Variants in JAKMIP1 observed in about 807,000 individuals in gnomAD.
The protein encoded by JAKMIP1 is janus kinase and microtubule interacting protein 1, also known as janus kinase and microtubule-interacting protein 1.
In JAKMIP1, 33 loss-of-function variants were observed where a neutral mutation model predicts 113.0. The ratio of observed to expected loss-of-function variants is 0.29; its 90% confidence interval spans 0.22 to 0.39. The LOEUF (loss-of-function observed/expected upper bound fraction) is 0.39. Among genes scored for constraint, JAKMIP1 ranks in the 10% least tolerant of loss-of-function variants. The pLI, the probability that JAKMIP1 is intolerant of heterozygous loss-of-function variation, is 1.00. For synonymous variants in JAKMIP1, 480 were observed against 459.9 expected (o/e 1.04, Z -0.56); for missense variants, 813 against 1,080.5 (o/e 0.75, Z 3.47).
intron 12 of JAKMIP1, chr4:6,054,598 G>C (rs71599871): frequency 0.22 from 84,390 of 379,606 alleles, 16,504 homozygotes; most frequent in African/African-American, 0.71. Flanking sequence ...GGCAGGGAGG[G>C]CCCCTCCTGC....
Position 6,144,839 on chromosome 4 carries a change from T to C in JAKMIP1, c.-147-31842A>G, listed in dbSNP as rs545924314. 2.6e-5 allele frequency among the ~76,000 whole-genome samples: 4 copies of C among 152,330 alleles called. No individual in the cohort carries two copies. The East Asian group carries it at 7.7e-4, about 29-fold the overall frequency. ...GGAACAAGACAAAGATGTCTGTTCT[T>C]GTCAATTCTATTCAACATTGGACTT... On this transcript the variant is annotated intron_variant, in intron 1 of 20. Coordinates refer to ENST00000409021, the MANE Select transcript of JAKMIP1 (RefSeq NM_001099433.2).
Position 6,143,072 on chromosome 4 carries a change from A to G in JAKMIP1, c.-147-30075T>C, listed in dbSNP as rs1720387085. 6.6e-6 allele frequency among the ~76,000 whole-genome samples: 1 copy of G among 152,102 alleles called. No homozygotes were observed. Among genetic ancestry groups the G allele is most frequent in the Non-Finnish European group, 1.5e-5 (1 of 68,018 alleles). Reference sequence around the variant, plus strand: ...TCAACACAGACTCTGGCTCTGCCTCACTGTGTGACTTTGAGCAAGTTTCTC... The same window carrying G: ...TCAACACAGACTCTGGCTCTGCCTCGCTGTGTGACTTTGAGCAAGTTTCTC... On this transcript the variant is annotated intron_variant, in intron 1 of 20. Transcript: ENST00000409021. This position sits in a 1 kb window ranked among gnomAD's most constrained non-coding sequence, Gnocchi z 4.9.
rs961711390 is a variant in JAKMIP1, at chr4:6,187,875, T to C, written c.-148+12378A>G. ...ATATAGTTGGACTTATGTCTTCCAT[T>C]TTATTTTGTTTTCAATATGCCTCAC... On this transcript the variant is annotated intron_variant, in intron 1 of 20. Coordinates refer to ENST00000409021, the MANE Select transcript of JAKMIP1 (RefSeq NM_001099433.2). The surrounding 1 kb of genome is among the most constrained non-coding windows in gnomAD (Gnocchi z 4.2). Among the ~76,000 whole-genome samples the C allele has an allele frequency of 5.3e-5, 8 of 152,204 alleles. No individual in the cohort carries two copies. Among genetic ancestry groups the C allele is most frequent in the Non-Finnish European group, 8.8e-5 (6 of 68,034 alleles).
chr4:6,080,778 G>C lies in JAKMIP1; in HGVS notation c.1102-466C>G, dbSNP rs1019464694. 2.0e-5 allele frequency among the ~76,000 whole-genome samples: 3 copies of C among 152,100 alleles called. No homozygotes were observed. Among genetic ancestry groups the C allele is most frequent in the African/African-American group, 7.2e-5 (3 of 41,414 alleles). ...TCAGGTATGCCTTTATCAGCAGTGT[G>C]AAAATGGACTAATACGTGGCCACCT... On this transcript the variant is annotated intron_variant, in intron 6 of 20. Coordinates refer to ENST00000409021, the MANE Select transcript of JAKMIP1 (RefSeq NM_001099433.2). This position sits in a 1 kb window ranked among gnomAD's most constrained non-coding sequence, Gnocchi z 6.0.
chr4:6,159,310 C>A (rs957988806), intron 1 of JAKMIP1, among the ~76,000 whole-genome samples: 1 of 151,024 alleles, frequency 6.6e-6, no homozygotes, highest in Non-Finnish European at 1.5e-5. Context: ...TACTTAAAGA[C>A]TCTGGAGGAG....
At position 6,042,134 on chromosome 4, in the gene JAKMIP1, A is replaced by G. The variant is rs1714403482; in HGVS notation, c.2097+25T>C. 6.3e-7 allele frequency: 1 copy of G among 1,597,336 alleles called. No individual in the cohort carries two copies. The highest frequency in any genetic ancestry group is 1.3e-5 in the African/African-American group (1 of 74,352). Reference sequence around the variant, plus strand: ...CTGAGCTCTTTGAACCCTCTCCCCCACCCCCAGGCAGTCAAATCTTTTACC... The same window carrying G: ...CTGAGCTCTTTGAACCCTCTCCCCCGCCCCCAGGCAGTCAAATCTTTTACC... On this transcript the variant is annotated intron_variant, in intron 17 of 20. Coordinates refer to ENST00000409021, the MANE Select transcript of JAKMIP1 (RefSeq NM_001099433.2). This position sits in a 1 kb window ranked among gnomAD's most constrained non-coding sequence, Gnocchi z 5.2.
rs73075446 is a variant in JAKMIP1 at position 6,157,059 on chromosome 4, C to T, written c.-148+43194G>A. On this transcript the variant is annotated intron_variant, in intron 1 of 20. Transcript: ENST00000409021. The surrounding 1 kb of genome is among the most constrained non-coding windows in gnomAD (Gnocchi z 4.7). ...ATGAATGGATTAATGCCATTATTGCCGGAGTGGATTCCTGATAAAAAGCTG... is the reference window on the plus strand; with the variant it reads ...ATGAATGGATTAATGCCATTATTGCTGGAGTGGATTCCTGATAAAAAGCTG... 8.5e-5 allele frequency among the ~76,000 whole-genome samples: 13 copies of T among 152,178 alleles called. No individual in the cohort carries two copies. The highest frequency in any genetic ancestry group is 2.4e-4 in the African/African-American group (10 of 41,468).
At chr4:6,170,750 TCAC>T (rs1424430657) in intron 1 of JAKMIP1, among the ~76,000 whole-genome samples, 2 of 68,374 alleles carry the variant, frequency 2.9e-5, no homozygotes, top group African/African-American at 4.4e-5. Context: ...GCCACCACAA[TCAC>T]CACCACATCC....
At chr4:6,091,362 T>C (rs1877766) in intron 3 of JAKMIP1, among the ~76,000 whole-genome samples, 124,475 of 151,964 alleles carry the variant, frequency 0.82, 52,002 homozygotes, top group East Asian at 0.99. Context: ...CAGAGTATTT[T>C]TTCCCCCATT....
rs1326962301 is a variant in JAKMIP1 at position 6,061,381 on chromosome 4, C to T, written c.1561-874G>A. Among the ~76,000 whole-genome samples the T allele has an allele frequency of 2.0e-5, 3 of 152,214 alleles. No individual in the cohort carries two copies. Among genetic ancestry groups the T allele is most frequent in the Admixed American group, 6.5e-5 (1 of 15,282 alleles). On this transcript the variant is annotated intron_variant, in intron 10 of 20. Transcript: ENST00000409021. This position sits in a 1 kb window ranked among gnomAD's most constrained non-coding sequence, Gnocchi z 5.3. ...CTCCTGGCTCCCCGCTACAGGGCCA[C>T]TGCTGCCCCTGGAACAAACTCCACG...
chr4:6,111,279 G>A (rs528737812), intron 2 of JAKMIP1, among the ~76,000 whole-genome samples: 4 of 152,348 alleles, frequency 2.6e-5, no homozygotes, highest in African/African-American at 9.6e-5. Context: ...TACAGCAGGA[G>A]CCAGAGGGCA....
At position 6,186,300 on chromosome 4, in the gene JAKMIP1, CA is replaced by C. The variant is rs1726650532; in HGVS notation, c.-148+13952del. On this transcript the variant is annotated intron_variant, in intron 1 of 20. Transcript: ENST00000409021. The surrounding 1 kb of genome is among the most constrained non-coding windows in gnomAD (Gnocchi z 5.5). ...CATTCCAGGAAAGTGGGATGGTGAG[CA>C]AAAGCATGGAAGTTGGAAAAGGAGG... 6.6e-6 allele frequency among the ~76,000 whole-genome samples: 1 copy of C among 152,034 alleles called. No homozygotes were observed. The highest frequency in any genetic ancestry group is 2.1e-4 in the South Asian group (1 of 4,812).
At chr4:6,054,369 T>A (rs35555347) in intron 12 of JAKMIP1, among the ~76,000 whole-genome samples, 20,468 of 152,016 alleles carry the variant, frequency 0.13, 2,245 homozygotes, top group African/African-American at 0.3. Context: ...CTGGGCCAGG[T>A]TCACCCCTGC....
intron 8 of JAKMIP1, chr4:6,070,186 C>G (rs1718759827): frequency 5.0e-6 from 2 of 398,652 alleles, no homozygotes; most frequent in Non-Finnish European, 8.8e-6. Flanking sequence ...TGCAGACACA[C>G]CAGCCCCTGT....
chr4:6,199,564 C>G lies in JAKMIP1; in HGVS notation c.-148+689G>C, dbSNP rs1215406853. On this transcript the variant is annotated intron_variant, in intron 1 of 20. Coordinates refer to ENST00000409021, the MANE Select transcript of JAKMIP1 (RefSeq NM_001099433.2). The surrounding 1 kb of genome is among the most constrained non-coding windows in gnomAD (Gnocchi z 5.6). ...TCCGGAGGCCAGTGCGCCCAGGGCG[C>G]GCCGGCCCGGCAGGAGGGTGGGTGC... Among the ~76,000 whole-genome samples, 1 of 152,078 alleles carries G rather than the reference C, an allele frequency of 6.6e-6. No homozygotes were observed.
In JAKMIP1 at chr4:6,049,629, G is replaced by A. The variant is rs1474848219; in HGVS notation, c.1962+190C>T. On this transcript the variant is annotated intron_variant, in intron 15 of 20. Transcript: ENST00000409021. The surrounding 1 kb of genome is among the most constrained non-coding windows in gnomAD (Gnocchi z 7.0). ...CAACAGGCCAGGGGAATCTAACTTCGGAACCCCACTTCTGACGAATGCCAA... is the reference window on the plus strand; with the variant it reads ...CAACAGGCCAGGGGAATCTAACTTCAGAACCCCACTTCTGACGAATGCCAA... Among the ~76,000 whole-genome samples the A allele has an allele frequency of 2.0e-5, 3 of 151,922 alleles. No individual in the cohort carries two copies. Among genetic ancestry groups the A allele is most frequent in the African/African-American group, 4.8e-5 (2 of 41,324 alleles).
intron 1 of JAKMIP1, among the ~76,000 whole-genome samples, chr4:6,173,884 T>C (rs1422173183): frequency 6.6e-6 from 1 of 152,102 alleles, no homozygotes; most frequent in African/African-American, 2.4e-5. Context: ...GAGACCAGCC[T>C]GGCGAACATG....
At chr4:6,119,266 G>T (rs561093872) in intron 1 of JAKMIP1, among the ~76,000 whole-genome samples, 1 of 151,134 alleles carries the variant, frequency 6.6e-6, no homozygotes, top group African/African-American at 2.4e-5. Flanking sequence ...TCCTGGGGCC[G>T]GGCGCGGTGG....
At chr4:6,170,522 C>A (rs986048630) in intron 1 of JAKMIP1, among the ~76,000 whole-genome samples, 24 of 148,738 alleles carry the variant, frequency 1.6e-4, no homozygotes, top group African/African-American at 5.4e-4. Context: ...ACCATCACCA[C>A]CATTATCACC....
Sources: gnomAD v4.1 joint callset for allele counts (sites outside exome capture counted in the v4.1 genomes callset) on GRCh38, gnomAD v4.1.1 for gene constraint, Gnocchi (gnomAD v3.1) non-coding constraint, MANE v1.5 for transcripts, NCBI Gene and HGNC (gene_info 2026-07-23, HGNC 2026-07-21) for gene names.